The following WDR83 variants were observed in gnomAD, a reference collection of about 807,000 sequenced individuals.
WDR83 encodes WD repeat domain 83.
Under a neutral mutation model 37.7 loss-of-function variants are expected in WDR83, and 37 were observed. The observed-to-expected ratio is 0.98, with a 90% CI of 0.76 to 1.29. WDR83 has a LOEUF of 1.29. WDR83 is among the 50% of genes most tolerant of loss of function. WDR83 has a pLI of 0.00. For synonymous variants in WDR83, 174 were observed against 181.1 expected (o/e 0.96, Z 0.31); for missense variants, 445 against 414.4 (o/e 1.07, Z -0.64).
chr19:12,669,905 C>G lies in WDR83; in HGVS notation c.103+12C>G. ...CGTACGATTTAATGGTGAGCGCCTTCGTCTTCATTCCGGGTCCTCCTCCCG... is the reference window on the plus strand; with the variant it reads ...CGTACGATTTAATGGTGAGCGCCTTGGTCTTCATTCCGGGTCCTCCTCCCG... On this transcript the variant is annotated intron_variant, in intron 3 of 10. Coordinates refer to ENST00000418543, the MANE Select transcript of WDR83 (RefSeq NM_001099737.3). 1 of 1,602,214 alleles carries G rather than the reference C, an allele frequency of 6.2e-7. No homozygotes were observed. The highest frequency in any genetic ancestry group is 8.5e-7 in the Non-Finnish European group (1 of 1,171,276).
chr19:12,672,071 G>A (rs1247981796), intron 7 of WDR83, among the ~76,000 whole-genome samples: 1 of 152,206 alleles, frequency 6.6e-6, no homozygotes, highest in Non-Finnish European at 1.5e-5. Flanking sequence ...GAAAGCAGAG[G>A]AGGAGGAAGA....
At position 12,673,257 on chromosome 19, in the gene WDR83, G is replaced by C. The variant is rs1246527418; in HGVS notation, c.739G>C (p.Asp247His). Residue 247 changes from aspartate (D) to histidine (H), a missense_variant, in exon 10 of 11, where the codon GAC becomes CAC. Coordinates refer to ENST00000418543, the MANE Select transcript of WDR83 (RefSeq NM_001099737.3). The stretch of plus-strand genomic sequence containing the variant: ...GCTGGACTGCTGCCTGAGCGAGCGT[G>C]ACACACATGTGGTCAGCTGTTCTGA... The part of the protein sequence containing the change: ...YKLDCCLSER[D>H]THVVSCSEDG... 6.2e-7 allele frequency: 1 copy of C among 1,614,054 alleles called. No homozygotes were observed. The highest frequency in any genetic ancestry group is 2.2e-5 in the East Asian group (1 of 44,872).
chr19:12,670,096 G>A lies in WDR83; in HGVS notation c.223G>A (p.Gly75Ser). The change falls in exon 4 of 11, where the codon GGC (glycine) becomes AGC (serine). Residue 75 changes from glycine to serine, a missense_variant and splice_region_variant. Physicochemically the swap from Gly to Ser is moderately conservative, Grantham distance 56 (BLOSUM62 0). Transcript: ENST00000418543. ...CGGCTACGAGGTGCTGGATGCGGCC[G>A]GGTGAGCCGGGGACCAGGCTGGGAT... Reference protein sequence around the residue: ...GHGYEVLDAAGSFDNSSLCSG... With the variant: ...GHGYEVLDAASSFDNSSLCSG... 1.2e-6 allele frequency: 2 copies of A among 1,609,694 alleles called. No individual in the cohort carries two copies. The highest frequency in any genetic ancestry group is 1.3e-5 in the African/African-American group (1 of 75,014).
In WDR83 at chr19:12,672,953, G is replaced by A. The variant is rs749281090; in HGVS notation, c.574+39G>A. ...GGGATGTGGGACAGGCAGGGAAGAT[G>A]GGGGGCCAACCAGGGGCACCCCACC... On this transcript the variant is annotated intron_variant, in intron 8 of 10. Coordinates refer to ENST00000418543, the MANE Select transcript of WDR83 (RefSeq NM_001099737.3). 2.5e-6 allele frequency: 4 copies of A among 1,595,492 alleles called. No homozygotes were observed. In the South Asian group the frequency reaches 3.4e-5, roughly 13 times the overall value.
In WDR83 at chr19:12,666,886, C is replaced by A; in HGVS notation, c.-263C>A. ...GTTACAGGAAGGTAGGAAAATGCCACCCTCAGGGCACTGGTTGGGCTAAAG... is the reference window on the plus strand; with the variant it reads ...GTTACAGGAAGGTAGGAAAATGCCAACCTCAGGGCACTGGTTGGGCTAAAG... On this transcript the variant is annotated 5_prime_UTR_variant, in exon 1 of 11. Coordinates refer to ENST00000418543, the MANE Select transcript of WDR83 (RefSeq NM_001099737.3). The A allele has an allele frequency of 1.6e-6, 1 of 607,682 alleles. No individual in the cohort carries two copies. Among genetic ancestry groups the A allele is most frequent in the Non-Finnish European group, 2.9e-6 (1 of 347,874 alleles). 37.6% of individuals were successfully genotyped at this position (607,682 alleles called of 1,614,324 possible).
chr19:12,669,705 T>A, intron 2 of WDR83, 50 bp from the exon 3 acceptor site: 3 of 1,361,124 alleles, frequency 2.2e-6, no homozygotes, highest in Non-Finnish European at 3.0e-6. Flanking sequence ...AGAACAATAA[T>A]AAGGTTACAC....
chr19:12,670,014 G>C lies in WDR83; in HGVS notation c.141G>C (p.Lys47Asn), dbSNP rs377237181. 17 of 1,612,860 alleles carry C rather than the reference G, an allele frequency of 1.1e-5. No individual in the cohort carries two copies. The highest frequency in any genetic ancestry group is 1.4e-5 in the Non-Finnish European group (17 of 1,178,960). The change falls in exon 4 of 11, where the codon AAG becomes AAC. Residue 47 changes from lysine to asparagine, a missense_variant. Coordinates refer to ENST00000418543, the MANE Select transcript of WDR83 (RefSeq NM_001099737.3). ...ACTGCCTGACGTGCGGCAGTGACAA[G>C]ACGCTGAAGCTGTGGAACCCGCTTC... ...GNYCLTCGSD[K>N]TLKLWNPLRG...
chr19:12,672,717 C>T, intron 7 of WDR83, 130 bp from the exon 8 acceptor site: 1 of 975,990 alleles, frequency 1.0e-6, no homozygotes, highest in Non-Finnish European at 1.6e-6. Context: ...GCCTGAGTCT[C>T]AAGGCCAGAG....
intron 1 of WDR83, 42 bp from the exon 2 acceptor site, chr19:12,668,466 G>A: frequency 1.2e-6 from 2 of 1,613,222 alleles, no homozygotes; most frequent in South Asian, 1.1e-5. Context: ...TGGCCAGGCT[G>A]GGGTCCCCCC....
chr19:12,669,847 G>A lies in WDR83; in HGVS notation c.57G>A (p.Lys19=), dbSNP rs369117134. The A allele has an allele frequency of 6.2e-6, 10 of 1,612,212 alleles. No individual in the cohort carries two copies. The African/African-American group carries it at 1.3e-4, about 22-fold the overall frequency. The change falls in exon 3 of 11, where the codon AAG becomes AAA. Residue 19 remains lysine (K), a synonymous_variant. Transcript: ENST00000418543. ...CAGAGCTGCCGCAGAAACGGTTGAA[G>A]ACGCTGGACTGCGGGCAGGGGGCAG... ...RPPELPQKRL[K]TLDCGQGAVR...
chr19:12,670,767 A>G lies in WDR83; in HGVS notation c.452A>G (p.Glu151Gly). Residue 151 changes from glutamate (E) to glycine (G), a missense_variant, in exon 7 of 11, where the codon GAG (glutamate) becomes GGG (glycine). Transcript: ENST00000418543. ...RRPEPVQTLD[E>G]ARDGVSSVKV... Reference sequence around the variant, plus strand: ...CCTGAGCCAGTGCAGACGCTGGATGAGGCCAGAGATGGCGTGTCCAGTGTG... The same window carrying G: ...CCTGAGCCAGTGCAGACGCTGGATGGGGCCAGAGATGGCGTGTCCAGTGTG... 6.2e-7 allele frequency: 1 copy of G among 1,614,174 alleles called. No individual in the cohort carries two copies. The highest frequency in any genetic ancestry group is 2.2e-5 in the East Asian group (1 of 44,874).
rs759704090 is a variant in WDR83 at position 12,675,527 on chromosome 19, C to T, written c.803C>T (p.Ala268Val). Residue 268 changes from alanine to valine, a missense_variant, in exon 11 of 11, where the codon GCG becomes GTG. By Grantham distance (64) the Ala-to-Val change is moderately conservative. Transcript: ENST00000418543. ...KVFFWDLVEG[A>V]LALALPVGSG... ...TCCCTACCCCTCGCTCCACAGGGTG[C>T]GCTGGCTCTGGCCCTGCCTGTGGGT... 16 of 1,604,182 alleles carry T rather than the reference C, an allele frequency of 1.0e-5. No homozygotes were observed. The highest frequency in any genetic ancestry group is 2.2e-5 in the South Asian group (2 of 91,020).
chr19:12,670,509 T>C lies in WDR83; in HGVS notation c.331-54T>C, dbSNP rs1599367676. The C allele has an allele frequency of 3.7e-6, 6 of 1,613,444 alleles. No individual in the cohort carries two copies. The East Asian group carries it at 1.3e-4, about 36-fold the overall frequency. On this transcript the variant is annotated intron_variant, in intron 5 of 10. Coordinates refer to ENST00000418543, the MANE Select transcript of WDR83 (RefSeq NM_001099737.3). ...TTTAACCGACACTGGGAACCCTGCC[T>C]TTATCCCAGTCCTCCAAAGTCCAGC...
chr19:12,669,070 C>T, intron 2 of WDR83: 2 of 1,575,824 alleles, frequency 1.3e-6, no homozygotes, highest in Non-Finnish European at 1.7e-6. Flanking sequence ...ATTCCAAACC[C>T]GCCCCCGGGC....
intron 7 of WDR83, among the ~76,000 whole-genome samples, chr19:12,671,747 G>C (rs950572230): frequency 3.3e-5 from 5 of 152,330 alleles, no homozygotes; most frequent in African/African-American, 1.2e-4. Flanking sequence ...TGCCAGGCTG[G>C]AGTGCAGTGA....
chr19:12,669,144 C>T, intron 2 of WDR83: 1 of 1,614,074 alleles, frequency 6.2e-7, no homozygotes, highest in Non-Finnish European at 8.5e-7. Context: ...CATGAGGCCG[C>T]ACATGCTGAA....
chr19:12,673,564 C>T (rs568276917), intron 10 of WDR83, among the ~76,000 whole-genome samples: 6 of 152,048 alleles, frequency 3.9e-5, no homozygotes, highest in Admixed American at 6.6e-5. Flanking sequence ...ATTATAGGTG[C>T]GTGCCACCAC....
At chr19:12,673,408 A>ATTTTTTTTTTTTTTTTTTT in intron 10 of WDR83, 92 bp downstream of exon 10, 1 of 265,056 alleles carries the variant, frequency 3.8e-6, no homozygotes, top group Non-Finnish European at 7.2e-6. Flanking sequence ...GAAGGCTAGG[A>ATTTTTTTTTTTTTTTTTTT]TCTTTTTTTT....
In WDR83 at chr19:12,675,685, CACCAACAGG is replaced by C; in HGVS notation, c.*19_*27del. ...TGGAGCAGGCTGAAGCCAGGGGACC[CACCAACAGG>C]ACCAAGGACCGAGACACAGACATGG... On this transcript the variant is annotated 3_prime_UTR_variant, in exon 11 of 11. Coordinates refer to ENST00000418543, the MANE Select transcript of WDR83 (RefSeq NM_001099737.3). The C allele has an allele frequency of 6.3e-7, 1 of 1,599,462 alleles. No homozygotes were observed. The highest frequency in any genetic ancestry group is 8.5e-7 in the Non-Finnish European group (1 of 1,178,772).
Sources: gnomAD v4.1 joint callset for allele counts (sites outside exome capture counted in the v4.1 genomes callset) on GRCh38, gnomAD v4.1.1 for gene constraint, MANE v1.5 for transcripts, NCBI Gene and HGNC (gene_info 2026-07-23, HGNC 2026-07-21) for gene names.